MCF2L: variants seen among roughly 807,000 people sequenced by gnomAD.
MCF2L encodes guanine nucleotide exchange factor DBS.
Under a neutral mutation model 153.4 loss-of-function variants are expected in MCF2L, and 97 were observed. That is an observed-to-expected ratio of 0.63 (90% CI 0.54 to 0.75). The LOEUF (loss-of-function observed/expected upper bound fraction) is 0.75. Among genes scored for constraint, MCF2L ranks in the 30% least tolerant of loss-of-function variants. MCF2L has a pLI of 0.00. For missense variants in MCF2L, 1,347 were observed against 1,495.2 expected (o/e 0.90, Z 1.64); for synonymous variants, 659 against 632.2 (o/e 1.04, Z -0.64).
intron 1 of MCF2L, among the ~76,000 whole-genome samples, chr13:113,012,075 T>C (rs1349734397): frequency 4.7e-5 from 5 of 107,348 alleles, no homozygotes; most frequent in African/African-American, 1.3e-4. Flanking sequence ...GGTGGACAGG[T>C]GGTGTGGACA....
At chr13:113,090,804 A>G (rs1368538713) in intron 26 of MCF2L, 28 of 984,962 alleles carry the variant, frequency 2.8e-5, no homozygotes, top group Non-Finnish European at 3.4e-5. Context: ...GAGACTTGAA[A>G]CAAACAAACA....
intron 2 of MCF2L, among the ~76,000 whole-genome samples, chr13:112,908,727 T>TTTTGG (rs199959384): frequency 0.014 from 686 of 47,428 alleles, 5 homozygotes; most frequent in African/African-American, 0.05. Flanking sequence ...TTTTGTTTTG[T>TTTTGG]TTTGGTTTTT....
intron 2 of MCF2L, among the ~76,000 whole-genome samples, chr13:113,016,279 A>G (rs565192158): frequency 6.6e-6 from 1 of 152,266 alleles, no homozygotes; most frequent in African/African-American, 2.4e-5. Context: ...CCCAGGTGCA[A>G]GAAGGATTTG....
intron 5 of MCF2L, among the ~76,000 whole-genome samples, chr13:113,061,733 CTCCCTCTTCCCTTTCCCCTCCCT>C (rs1594888762): frequency 3.2e-5 from 3 of 92,562 alleles, no homozygotes; most frequent in Admixed American, 1.0e-4. Context: ...TTGCCCTCCC[CTCCCTCTTCCCTTTCCCCTCCCT>C]TCCCTCTCCC....
rs191435038 is a variant in MCF2L at position 113,031,423 on chromosome 13, C to T, written c.278+6665C>T. 2.0e-3 allele frequency among the ~76,000 whole-genome samples: 307 copies of T among 152,228 alleles called. No individual in the cohort carries two copies. The highest frequency in any genetic ancestry group is 6.7e-3 in the African/African-American group (280 of 41,528). ...CAGCGGCATCTTTGGGGGCAGCGAA[C>T]GCACCAGGGGGCAGGACAGAGTGCC... On this transcript the variant is annotated intron_variant, in intron 3 of 29. Coordinates refer to ENST00000535094, the MANE Select transcript of MCF2L (RefSeq NM_001112732.3). The surrounding 1 kb of genome is among the most constrained non-coding windows in gnomAD (Gnocchi z 5.5).
At chr13:112,986,794 C>T (rs2082661581) in intron 1 of MCF2L, among the ~76,000 whole-genome samples, 1 of 152,242 alleles carries the variant, frequency 6.6e-6, no homozygotes, top group East Asian at 1.9e-4. Flanking sequence ...GCCCTCACTC[C>T]CCTGCCTGCC....
Position 113,098,679 on chromosome 13 carries a change from G to C in MCF2L, c.*1820G>C, listed in dbSNP as rs1399303606. The C allele has an allele frequency of 6.6e-6, 1 of 152,270 alleles. No individual in the cohort carries two copies. The highest frequency in any genetic ancestry group is 1.5e-5 in the Non-Finnish European group (1 of 68,052). The allele number at this position is 152,270 out of a possible 1,614,324, so 9.4% of individuals were successfully genotyped here. A position where few individuals can be genotyped will look rare whatever the true frequency, so the allele number is the denominator to read the frequency against. On this transcript the variant is annotated 3_prime_UTR_variant, in exon 30 of 30. Coordinates refer to ENST00000535094, the MANE Select transcript of MCF2L (RefSeq NM_001112732.3). ...AAGCCGGCAGTGGGCAGGGCCCAGC[G>C]TGCGGCTCAGGCACCGAGCAACCGC...
chr13:112,905,220 G>C (rs751494646), intron 2 of MCF2L, among the ~76,000 whole-genome samples: 37 of 152,228 alleles, frequency 2.4e-4, no homozygotes, highest in Non-Finnish European at 5.0e-4. Context: ...ACCGAACAAA[G>C]GAGGAGAGGG....
At chr13:112,927,931 C>T (rs1455045155) in intron 2 of MCF2L, among the ~76,000 whole-genome samples, 1 of 152,190 alleles carries the variant, frequency 6.6e-6, no homozygotes, top group Non-Finnish European at 1.5e-5. Context: ...CAATTGCAGG[C>T]TATGGACTGG....
chr13:112,999,367 C>T (rs2083268161), intron 1 of MCF2L, among the ~76,000 whole-genome samples: 1 of 149,638 alleles, frequency 6.7e-6, no homozygotes, highest in South Asian at 2.1e-4. Context: ...TGCATCTGTA[C>T]CAGGGGCCCC....
chr13:112,924,038 A>G (rs1416771445), intron 2 of MCF2L, among the ~76,000 whole-genome samples: 1 of 152,186 alleles, frequency 6.6e-6, no homozygotes, highest in Non-Finnish European at 1.5e-5. Flanking sequence ...ATCAGGAAGC[A>G]TACGAGACCG....
At chr13:112,959,378 G>A (rs946824812) in intron 2 of MCF2L, among the ~76,000 whole-genome samples, 2 of 152,002 alleles carry the variant, frequency 1.3e-5, no homozygotes, top group Non-Finnish European at 2.9e-5. Flanking sequence ...TGACATCAGT[G>A]GGTCCTTTGT....
At chr13:113,038,244 T>A (rs895483104) in intron 3 of MCF2L, among the ~76,000 whole-genome samples, 3 of 152,054 alleles carry the variant, frequency 2.0e-5, no homozygotes, top group Non-Finnish European at 4.4e-5. Context: ...GGTGGGTGGA[T>A]CACGAGGTCA....
chr13:112,969,504 A>T lies in MCF2L; in HGVS notation c.79+46A>T, dbSNP rs141479376. 3 of 1,548,880 alleles carry T rather than the reference A, an allele frequency of 1.9e-6. No homozygotes were observed. The highest frequency in any genetic ancestry group is 2.6e-6 in the Non-Finnish European group (3 of 1,145,810). On this transcript the variant is annotated intron_variant, in intron 1 of 29. Coordinates refer to ENST00000535094, the MANE Select transcript of MCF2L (RefSeq NM_001112732.3). The surrounding 1 kb of genome is among the most constrained non-coding windows in gnomAD (Gnocchi z 4.8). The stretch of plus-strand genomic sequence containing the variant: ...TCAGTGATCTGTGCTTAAGCTTGAC[A>T]TCATGGGCTGAAATGTGGGGAAATG...
chr13:112,911,845 C>T (rs2081236568), intron 2 of MCF2L, among the ~76,000 whole-genome samples: 1 of 152,214 alleles, frequency 6.6e-6, no homozygotes, highest in Non-Finnish European at 1.5e-5. Context: ...CATTACTGAG[C>T]TGTGTCATCA....
chr13:112,982,233 A>G (rs139251666), intron 1 of MCF2L, among the ~76,000 whole-genome samples: 1 of 152,280 alleles, frequency 6.6e-6, no homozygotes, highest in East Asian at 1.9e-4. Flanking sequence ...GGCCGTGCCC[A>G]CCTCGTGAAG....
rs551050018 is a variant in MCF2L, at chr13:112,980,055, C to T, written c.79+10597C>T. 2.5e-3 allele frequency among the ~76,000 whole-genome samples: 381 copies of T among 152,212 alleles called. 2 individuals carry two copies. The highest frequency in any genetic ancestry group is 4.7e-3 in the Admixed American group (72 of 15,296). On this transcript the variant is annotated intron_variant, in intron 1 of 29. Coordinates refer to ENST00000535094, the MANE Select transcript of MCF2L (RefSeq NM_001112732.3). ...ACGAGTGGACTCAAAGCGAGGGAAG[C>T]GGCAGTGGTGGGTTTAATGAGGCTC...
At chr13:112,911,161 G>T (rs548043579) in intron 2 of MCF2L, among the ~76,000 whole-genome samples, 7 of 152,184 alleles carry the variant, frequency 4.6e-5, no homozygotes, top group Non-Finnish European at 5.9e-5. Context: ...GAATGCCAAG[G>T]CCCCCTCAGG....
At chr13:113,014,868 G>A (rs762218534) in intron 2 of MCF2L, 22 bp downstream of exon 2, 160 of 1,610,344 alleles carry the variant, frequency 9.9e-5, no homozygotes, top group Middle Eastern at 3.3e-4. Context: ...AAGCTGGGAT[G>A]GGGTGGAGAG....
Sources: allele counts gnomAD v4.1 joint callset (sites outside exome capture counted in the v4.1 genomes callset), GRCh38; gene constraint gnomAD v4.1.1; non-coding constraint Gnocchi (gnomAD v3.1); transcripts MANE v1.5; gene names NCBI Gene and HGNC (gene_info 2026-07-23, HGNC 2026-07-21).